Variants in RGS5 observed in about 807,000 individuals in gnomAD.
The protein encoded by RGS5 is regulator of G protein signaling 5.
In RGS5, 20 loss-of-function variants were observed where a neutral mutation model predicts 18.9. That is an observed-to-expected ratio of 1.06 (90% confidence interval 0.74 to 1.54). RGS5 has a LOEUF of 1.54. Ranked by LOEUF, RGS5 falls within the 40% of genes most tolerant of loss-of-function variation. The pLI, the probability that RGS5 is intolerant of heterozygous loss-of-function variation, is 0.00. For synonymous variants in RGS5, 57 were observed against 76.2 expected, an observed-to-expected ratio of 0.75 and a Z score of 1.31; for missense variants, 201 against 211.8, an observed-to-expected ratio of 0.95 and a Z score of 0.32.
At chr1:163,166,608 T>C (rs1367019340) in intron 2 of RGS5, among the ~76,000 whole-genome samples, 4 of 152,154 alleles carry the variant, frequency 2.6e-5, no homozygotes, top group South Asian at 2.1e-4. Context: ...AACTTTTTTA[T>C]TGGTCACTGT....
chr1:163,209,872 T>G (rs1660059881), intron 1 of RGS5, among the ~76,000 whole-genome samples: 1 of 152,202 alleles, frequency 6.6e-6, no homozygotes, highest in Admixed American at 6.5e-5. Flanking sequence ...TAGTACAATA[T>G]TGAGAAGGGC....
chr1:163,186,581 A>AG (rs1412864652), intron 1 of RGS5, among the ~76,000 whole-genome samples: 1 of 128,082 alleles, frequency 7.8e-6, no homozygotes, highest in East Asian at 2.2e-4. Flanking sequence ...TCTGTCTCAA[A>AG]AAAAAAAAAA....
rs979433127 is a variant in RGS5 at position 163,292,927 on chromosome 1, G to A, written c.-281+13306C>T. 1.1e-4 allele frequency among the ~76,000 whole-genome samples: 16 copies of A among 152,154 alleles called. No homozygotes were observed. The East Asian group carries it at 1.7e-3, about 17-fold the overall frequency. The stretch of plus-strand genomic sequence containing the variant: ...GGATGCTGGATATTAGACCTTTGTC[G>A]AATGGATAGATTGCAAAAATTTTCT... On this transcript the variant is annotated intron_variant, in intron 2 of 5. Coordinates refer to the RGS5 transcript ENST00000618415.
chr1:163,269,778 G>A (rs1648670543), intron 2 of RGS5, among the ~76,000 whole-genome samples: 1 of 151,982 alleles, frequency 6.6e-6, no homozygotes. Flanking sequence ...ACTATTATTT[G>A]GAAGACAAAA....
rs535978945 is a variant in RGS5, at chr1:163,214,109, G to A, written c.69+3417C>T. ...CATGGTTGGGCTCCATGGGACTAAA[G>A]TATGATTACTGTTGCAAACACTCCC... On this transcript the variant is annotated intron_variant, in intron 1 of 5. Coordinates refer to the RGS5 transcript ENST00000367903. 3.9e-5 allele frequency among the ~76,000 whole-genome samples: 6 copies of A among 152,216 alleles called. No individual in the cohort carries two copies. The South Asian group carries it at 1.2e-3, about 32-fold the overall frequency.
chr1:163,317,156 A>G (rs1252166787), intron 1 of RGS5, among the ~76,000 whole-genome samples: 5 of 152,164 alleles, frequency 3.3e-5, no homozygotes, highest in Non-Finnish European at 1.5e-5. Context: ...AGACATGTTT[A>G]AAACTGAATC....
chr1:163,169,657 T>C (rs1658214355), intron 1 of RGS5, among the ~76,000 whole-genome samples: 1 of 152,192 alleles, frequency 6.6e-6, no homozygotes, highest in Non-Finnish European at 1.5e-5. Context: ...TGCATAAATA[T>C]CTTCTTTTGA....
At chr1:163,195,247 T>C (rs1659516974) in intron 1 of RGS5, among the ~76,000 whole-genome samples, 1 of 152,178 alleles carries the variant, frequency 6.6e-6, no homozygotes, top group Admixed American at 6.6e-5. Flanking sequence ...CCATGTTGTA[T>C]ATAAGAATGG....
intron 2 of RGS5, among the ~76,000 whole-genome samples, chr1:163,259,612 AT>A (rs1648376088): frequency 6.6e-6 from 1 of 152,212 alleles, no homozygotes; most frequent in Admixed American, 6.5e-5. Flanking sequence ...GGGAGGGACC[AT>A]ATGATATATA....
At chr1:163,272,933 T>C (rs1465488093) in intron 2 of RGS5, among the ~76,000 whole-genome samples, 1 of 152,140 alleles carries the variant, frequency 6.6e-6, no homozygotes, top group African/African-American at 2.4e-5. Flanking sequence ...TGGTTTTGTT[T>C]CCATTCATTC....
chr1:163,313,385 A>T (rs183749380), intron 1 of RGS5, among the ~76,000 whole-genome samples: 1 of 152,354 alleles, frequency 6.6e-6, no homozygotes, highest in African/African-American at 2.4e-5. Flanking sequence ...AAGCTGTGAA[A>T]TATTTAACAC....
intron 2 of RGS5, among the ~76,000 whole-genome samples, chr1:163,164,122 T>A (rs1657931831): frequency 6.6e-6 from 1 of 152,032 alleles, no homozygotes; most frequent in South Asian, 2.1e-4. Flanking sequence ...GTAGGATACA[T>A]CCCCCACAGC....
At chr1:163,197,265 C>T (rs1659595488) in intron 1 of RGS5, among the ~76,000 whole-genome samples, 1 of 152,142 alleles carries the variant, frequency 6.6e-6, no homozygotes, top group African/African-American at 2.4e-5. Flanking sequence ...TCTGCACACA[C>T]AGGCCTGTCC....
intron 2 of RGS5, among the ~76,000 whole-genome samples, chr1:163,241,513 T>C (rs1014065943): frequency 5.9e-5 from 9 of 152,220 alleles, no homozygotes; most frequent in African/African-American, 2.2e-4. Context: ...CACCCCATGT[T>C]TCAGACTATG....
At chr1:163,150,760 A>G (rs1233372161) in intron 4 of RGS5, among the ~76,000 whole-genome samples, 1 of 152,154 alleles carries the variant, frequency 6.6e-6, no homozygotes, top group Non-Finnish European at 1.5e-5. Context: ...ACCCTGTGTC[A>G]TGGAGGAAGC....
At chr1:163,245,058 T>C (rs1262831809) in intron 2 of RGS5, 2 of 152,230 alleles carry the variant, frequency 1.3e-5, no homozygotes, top group African/African-American at 4.8e-5. Flanking sequence ...TAGGTCACAT[T>C]ATTGAATATA....
intron 2 of RGS5, among the ~76,000 whole-genome samples, chr1:163,229,585 C>T (rs1647425003): frequency 6.6e-6 from 1 of 152,178 alleles, no homozygotes; most frequent in East Asian, 1.9e-4. Flanking sequence ...GTCTTCTACT[C>T]CCCTTCCTCT....
At chr1:163,269,945 G>A (rs550702124) in intron 2 of RGS5, among the ~76,000 whole-genome samples, 3 of 152,086 alleles carry the variant, frequency 2.0e-5, no homozygotes, top group African/African-American at 7.2e-5. Context: ...CTTAAACATA[G>A]CAATTAAATA....
intron 1 of RGS5, among the ~76,000 whole-genome samples, chr1:163,177,587 C>A (rs1336845915): frequency 6.6e-6 from 1 of 152,166 alleles, no homozygotes; most frequent in Non-Finnish European, 1.5e-5. Flanking sequence ...CCTGATATAT[C>A]CAAGTGTGGA....
Sources: gnomAD v4.1 joint callset for allele counts (sites outside exome capture counted in the v4.1 genomes callset) on GRCh38, gnomAD v4.1.1 for gene constraint, MANE v1.5 for transcripts, NCBI Gene and HGNC (gene_info 2026-07-23, HGNC 2026-07-21) for gene names.